CNTNAP2: variants seen among roughly 807,000 people sequenced by gnomAD.
CNTNAP2 encodes contactin associated protein 2.
CNTNAP2 carries 98 observed loss-of-function variants against 155.2 expected under a neutral mutation model. The observed-to-expected ratio is 0.63, with a 90% CI of 0.54 to 0.75. The LOEUF is 0.75. Among genes scored for constraint, CNTNAP2 ranks in the 30% least tolerant of loss-of-function variants. The probability of loss-of-function intolerance (pLI) is 0.00; values close to 1 mark genes in which losing one functional copy is unlikely to be tolerated. For missense variants in CNTNAP2, 1,727 were observed against 1,688.1 expected, an observed-to-expected ratio of 1.02 and a Z score of -0.40; for synonymous variants, 651 against 631.2, an observed-to-expected ratio of 1.03 and a Z score of -0.47.
intron 1 of CNTNAP2, among the ~76,000 whole-genome samples, chr7:146,219,407 C>A (rs910250348): frequency 4.6e-5 from 7 of 152,120 alleles, no homozygotes; most frequent in African/African-American, 1.7e-4. Flanking sequence ...GCATAAAATG[C>A]AAATGTGTGG....
intron 13 of CNTNAP2, chr7:147,849,954 G>C (rs1345756482): frequency 2.0e-5 from 3 of 152,242 alleles, no homozygotes; most frequent in Admixed American, 6.5e-5. Context: ...CTAGTACATG[G>C]ATGGGAGAAG....
intron 2 of CNTNAP2, among the ~76,000 whole-genome samples, chr7:146,809,293 A>C (rs2129193337): frequency 6.6e-6 from 1 of 152,130 alleles, no homozygotes; most frequent in East Asian, 1.9e-4. Flanking sequence ...CTTGATTTGC[A>C]TTTCTCTGAT....
chr7:146,602,370 T>G (rs1798963578), intron 1 of CNTNAP2, among the ~76,000 whole-genome samples: 1 of 152,180 alleles, frequency 6.6e-6, no homozygotes, highest in Non-Finnish European at 1.5e-5. Context: ...CAACAGCATC[T>G]AATGTTGCAA....
chr7:147,476,402 CCT>C (rs1407008999), intron 10 of CNTNAP2, among the ~76,000 whole-genome samples: 1 of 151,726 alleles, frequency 6.6e-6, no homozygotes, highest in African/African-American at 2.4e-5. Context: ...ACCGCGCCCA[CCT>C]CTGTTTATTT....
intron 13 of CNTNAP2, among the ~76,000 whole-genome samples, chr7:147,893,716 G>C (rs991488928): frequency 1.3e-5 from 2 of 152,132 alleles, no homozygotes; most frequent in Admixed American, 1.3e-4. Context: ...AAAAAAATCA[G>C]AAGTTATTAC....
chr7:147,879,573 G>A (rs531409920), intron 13 of CNTNAP2, among the ~76,000 whole-genome samples: 1 of 152,224 alleles, frequency 6.6e-6, no homozygotes, highest in African/African-American at 2.4e-5. Flanking sequence ...AGTCCGTGTA[G>A]GGGCTGAGGG....
chr7:147,640,356 C>A (rs1005023212), intron 13 of CNTNAP2, among the ~76,000 whole-genome samples: 1 of 152,038 alleles, frequency 6.6e-6, no homozygotes, highest in Non-Finnish European at 1.5e-5. Context: ...CAGTTTCCAG[C>A]GACTTTTTCT....
chr7:146,687,936 TA>T (rs1800630893), intron 1 of CNTNAP2, among the ~76,000 whole-genome samples: 2 of 152,198 alleles, frequency 1.3e-5, no homozygotes, highest in Non-Finnish European at 2.9e-5. Flanking sequence ...TTTACATTAC[TA>T]ATGAAACACA....
intron 15 of CNTNAP2, among the ~76,000 whole-genome samples, chr7:147,982,941 C>G (rs575755645): frequency 4.7e-5 from 7 of 150,516 alleles, no homozygotes; most frequent in Middle Eastern, 6.8e-3. Flanking sequence ...TCATTTGAAT[C>G]CGGGAGGTGG....
intron 11 of CNTNAP2, among the ~76,000 whole-genome samples, chr7:147,558,661 T>A (rs1002661365): frequency 1.3e-5 from 2 of 152,190 alleles, no homozygotes; most frequent in South Asian, 4.1e-4. Flanking sequence ...TTGTTATACT[T>A]TGAAGAAAAA....
chr7:147,466,075 G>GCCT (rs1798114610), intron 10 of CNTNAP2, among the ~76,000 whole-genome samples: 1 of 152,184 alleles, frequency 6.6e-6, no homozygotes, highest in African/African-American at 2.4e-5. Flanking sequence ...GCATATACAT[G>GCCT]GGAGCCTGTA....
chr7:146,234,620 A>T (rs1379503570), intron 1 of CNTNAP2, among the ~76,000 whole-genome samples: 2 of 151,650 alleles, frequency 1.3e-5, no homozygotes, highest in African/African-American at 4.8e-5. Context: ...TCTTTAATCC[A>T]TCTTGAATTA....
At chr7:146,458,677 G>T (rs1796592615) in intron 1 of CNTNAP2, among the ~76,000 whole-genome samples, 1 of 152,152 alleles carries the variant, frequency 6.6e-6, no homozygotes, top group Admixed American at 6.6e-5. Context: ...GTATTATTCT[G>T]GGTGTTTCTG....
intron 1 of CNTNAP2, among the ~76,000 whole-genome samples, chr7:146,324,147 A>G (rs913348074): frequency 2.6e-5 from 4 of 152,130 alleles, no homozygotes; most frequent in African/African-American, 7.2e-5. Context: ...CTGTAATCCC[A>G]GGTACTTGGG....
intron 1 of CNTNAP2, among the ~76,000 whole-genome samples, chr7:146,446,004 G>C (rs1796396864): frequency 6.6e-6 from 1 of 152,042 alleles, no homozygotes; most frequent in Non-Finnish European, 1.5e-5. Flanking sequence ...GCTTCTTGAT[G>C]GTTGGTACAT....
At chr7:146,767,793 C>T (rs745323562) in intron 1 of CNTNAP2, among the ~76,000 whole-genome samples, 18 of 151,976 alleles carry the variant, frequency 1.2e-4, no homozygotes, top group Admixed American at 7.2e-4. Context: ...AAATCTAGAA[C>T]GACTGGGTCA....
chr7:146,376,534 A>C (rs1044640890), intron 1 of CNTNAP2, among the ~76,000 whole-genome samples: 2 of 152,058 alleles, frequency 1.3e-5, no homozygotes, highest in African/African-American at 4.8e-5. Flanking sequence ...TTCTTGTAAG[A>C]GTTTTCTATA....
chr7:147,900,176 G>A (rs539947047), intron 13 of CNTNAP2, among the ~76,000 whole-genome samples: 9 of 152,198 alleles, frequency 5.9e-5, no homozygotes, highest in Non-Finnish European at 5.9e-5. Context: ...GGCTGCCTTC[G>A]TTCTTGCACT....
chr7:148,066,777 C>T (rs1021083435), intron 15 of CNTNAP2, among the ~76,000 whole-genome samples: 12 of 152,250 alleles, frequency 7.9e-5, no homozygotes, highest in African/African-American at 2.9e-4. Flanking sequence ...GGATTACAGG[C>T]GTGAGCCACC....
Sources: gnomAD v4.1 joint callset for allele counts (sites outside exome capture counted in the v4.1 genomes callset) on GRCh38, gnomAD v4.1.1 for gene constraint, MANE v1.5 for transcripts, NCBI Gene and HGNC (gene_info 2026-07-23, HGNC 2026-07-21) for gene names.